LPP: variants seen among roughly 807,000 people sequenced by gnomAD.
The protein encoded by LPP is lipoma-preferred partner.
LPP carries 38 observed loss-of-function variants against 60.4 expected under a neutral mutation model. That is an observed-to-expected ratio of 0.63 (90% CI 0.49 to 0.83). LPP has a LOEUF of 0.83. LPP is among the 40% of genes least tolerant of loss of function. LPP has a pLI of 0.00. For missense variants in LPP, 902 were observed against 783.6 expected, an observed-to-expected ratio of 1.15 and a Z score of -1.80; for synonymous variants, 328 against 290.8, an observed-to-expected ratio of 1.13 and a Z score of -1.30.
At chr3:188,309,124 G>A (rs1351422772) in intron 2 of LPP, among the ~76,000 whole-genome samples, 3 of 150,282 alleles carry the variant, frequency 2.0e-5, no homozygotes, top group South Asian at 2.1e-4. Flanking sequence ...AGGTTCAAGC[G>A]ATTCTCCTGC....
intron 6 of LPP, among the ~76,000 whole-genome samples, chr3:188,540,854 C>T (rs963879265): frequency 6.6e-6 from 1 of 152,150 alleles, no homozygotes; most frequent in African/African-American, 2.4e-5. Context: ...AGATTATCTA[C>T]CTCTTTTCAG....
At chr3:188,226,155 C>T (rs753398057) in intron 2 of LPP, among the ~76,000 whole-genome samples, 10 of 152,102 alleles carry the variant, frequency 6.6e-5, no homozygotes, top group Non-Finnish European at 1.2e-4. Context: ...ACTACAGGCA[C>T]ATACCACCAT....
chr3:188,650,588 G>C (rs1306568073), intron 7 of LPP, among the ~76,000 whole-genome samples: 1 of 152,134 alleles, frequency 6.6e-6, no homozygotes, highest in Non-Finnish European at 1.5e-5. Flanking sequence ...CCTATACCAA[G>C]TGCTGTCAGA....
At chr3:188,708,211 G>A in intron 7 of LPP, 56 bp from the exon 8 acceptor site, 4 of 1,599,464 alleles carry the variant, frequency 2.5e-6, no homozygotes, top group Non-Finnish European at 3.4e-6. Flanking sequence ...TAGGCTGACT[G>A]CCTTGGTTGA....
At chr3:188,545,993 T>C (rs1348737387) in intron 6 of LPP, among the ~76,000 whole-genome samples, 1 of 152,220 alleles carries the variant, frequency 6.6e-6, no homozygotes, top group Non-Finnish European at 1.5e-5. Flanking sequence ...TATCACATTT[T>C]ACTACATCAT....
At chr3:188,830,068 T>C (rs968724250) in intron 9 of LPP, among the ~76,000 whole-genome samples, 9 of 151,346 alleles carry the variant, frequency 5.9e-5, no homozygotes, top group African/African-American at 2.2e-4. Flanking sequence ...TAAATCATCA[T>C]GTATAAATGT....
At chr3:188,271,465 T>A (rs1445900709) in intron 2 of LPP, among the ~76,000 whole-genome samples, 4 of 152,184 alleles carry the variant, frequency 2.6e-5, no homozygotes, top group African/African-American at 7.2e-5. Flanking sequence ...GAATTAGGGA[T>A]GTGAGACTGA....
intron 8 of LPP, among the ~76,000 whole-genome samples, chr3:188,747,142 C>G (rs1253768299): frequency 6.6e-6 from 1 of 152,158 alleles, no homozygotes; most frequent in Non-Finnish European, 1.5e-5. Context: ...TTTCGCAAAA[C>G]TTTCATTGGT....
intron 4 of LPP, among the ~76,000 whole-genome samples, chr3:188,462,630 GTGTGTTACTT>G (rs1308350815): frequency 1.3e-5 from 1 of 78,174 alleles, no homozygotes; most frequent in African/African-American, 4.9e-5. Flanking sequence ...GTGTGTGTGT[GTGTGTTACTT>G]TTTTGGGTGT....
At chr3:188,462,624 GTGTGTGTGTGTTAC>G (rs1360604214) in intron 4 of LPP, among the ~76,000 whole-genome samples, 4 of 125,508 alleles carry the variant, frequency 3.2e-5, no homozygotes, top group Admixed American at 7.8e-5. Context: ...GTGTGTGTGT[GTGTGTGTGTGTTAC>G]TTTTTTGGGT....
At chr3:188,229,772 C>T (rs907009066) in intron 2 of LPP, among the ~76,000 whole-genome samples, 3 of 152,190 alleles carry the variant, frequency 2.0e-5, no homozygotes, top group African/African-American at 4.8e-5. Context: ...GCTTCTGGCA[C>T]AGTGGAGATA....
intron 9 of LPP, among the ~76,000 whole-genome samples, chr3:188,822,297 G>A (rs749284215): frequency 3.3e-5 from 5 of 152,102 alleles, no homozygotes; most frequent in Non-Finnish European, 7.4e-5. Context: ...AAAAAATTGA[G>A]CTACTTGGGC....
At chr3:188,549,996 A>G (rs1442170435) in intron 6 of LPP, among the ~76,000 whole-genome samples, 3 of 152,108 alleles carry the variant, frequency 2.0e-5, no homozygotes, top group African/African-American at 4.8e-5. Flanking sequence ...TTCACCAGCA[A>G]TTTGCACACT....
chr3:188,360,664 G>C lies in LPP; in HGVS notation c.-10+18945G>C, dbSNP rs530541536. On this transcript the variant is annotated intron_variant, in intron 3 of 11. Transcript: ENST00000617246. ...GAGCCACCACATCTGGCCTGAATTA[G>C]ACAACTTCTTATTTATGTGGATCTC... is the stretch of plus-strand genomic sequence containing the variant. 3.9e-5 allele frequency among the ~76,000 whole-genome samples: 6 copies of C among 152,168 alleles called. No homozygotes were observed. In the East Asian group the frequency reaches 1.2e-3, roughly 29 times the overall value.
chr3:188,596,930 C>T (rs745491668), intron 6 of LPP, among the ~76,000 whole-genome samples: 51 of 152,168 alleles, frequency 3.4e-4, no homozygotes, highest in Non-Finnish European at 5.6e-4. Flanking sequence ...AATACAGCAA[C>T]CCAATTTGTC....
intron 6 of LPP, among the ~76,000 whole-genome samples, chr3:188,593,153 GGTGTGT>G (rs10678737): frequency 7.6e-4 from 113 of 148,508 alleles, no homozygotes; most frequent in Admixed American, 4.0e-3. Context: ...TCTGATGCCT[GGTGTGT>G]GTGTGTGTGT....
At chr3:188,536,060 G>A (rs956862794) in intron 6 of LPP, among the ~76,000 whole-genome samples, 2 of 144,714 alleles carry the variant, frequency 1.4e-5, no homozygotes, top group Non-Finnish European at 3.0e-5. Flanking sequence ...CCAGGCTGGA[G>A]TGCAATGGCA....
At chr3:188,596,506 C>T (rs6777758) in intron 6 of LPP, among the ~76,000 whole-genome samples, 38,932 of 151,928 alleles carry the variant, frequency 0.26, 5,608 homozygotes, top group Non-Finnish European at 0.33. Flanking sequence ...AGAACAAATA[C>T]GTTAGAAGAA....
At chr3:188,676,597 G>A (rs891264428) in intron 7 of LPP, among the ~76,000 whole-genome samples, 5 of 152,152 alleles carry the variant, frequency 3.3e-5, no homozygotes, top group Non-Finnish European at 7.4e-5. Flanking sequence ...ATTGTGCCAG[G>A]GTAAAGGGTA....
Sources: allele counts gnomAD v4.1 joint callset (sites outside exome capture counted in the v4.1 genomes callset), GRCh38; gene constraint gnomAD v4.1.1; transcripts MANE v1.5; gene names NCBI Gene and HGNC (gene_info 2026-07-23, HGNC 2026-07-21).